The following EDN1 variants were observed in gnomAD, a reference collection of about 807,000 sequenced individuals.
EDN1 encodes endothelin-1.
EDN1 carries 11 observed loss-of-function variants against 21.7 expected under a neutral mutation model. The observed-to-expected ratio is 0.51, with a 90% CI of 0.32 to 0.84. EDN1 has a LOEUF of 0.84. Among genes scored for constraint, EDN1 ranks in the 40% least tolerant of loss-of-function variants. The probability of loss-of-function intolerance (pLI) is 0.03; values close to 1 mark genes in which losing one functional copy is unlikely to be tolerated. For synonymous variants in EDN1, 85 were observed against 90.6 expected (o/e 0.94, Z 0.35); for missense variants, 244 against 262.3 (o/e 0.93, Z 0.48).
At chr6:12,287,094 G>C (rs925347754), upstream of EDN1, among the ~76,000 whole-genome samples, 3 of 151,240 alleles carry the variant, frequency 2.0e-5, no homozygotes, top group Non-Finnish European at 4.4e-5. Flanking sequence ...TCCAGCCTTG[G>C]AGACAGAGTG....
At chr6:12,254,217 G>A in the EDN1 span, among the ~76,000 whole-genome samples, 2 of 152,130 alleles carry the variant, frequency 1.3e-5, no homozygotes, top group Non-Finnish European at 2.9e-5. Context: ...ATCCAGCCAC[G>A]TGAGCATTTG....
At chr6:12,245,371 C>T in the EDN1 span, among the ~76,000 whole-genome samples, 1 of 152,132 alleles carries the variant, frequency 6.6e-6, no homozygotes, top group Non-Finnish European at 1.5e-5. Flanking sequence ...TTTTCTTTTT[C>T]ACCCTGTGGA....
At chr6:12,235,243 G>A in the EDN1 span, among the ~76,000 whole-genome samples, 1 of 152,176 alleles carries the variant, frequency 6.6e-6, no homozygotes, top group African/African-American at 2.4e-5. Flanking sequence ...TGGAAAATGT[G>A]AGGCAGGAAC....
chr6:12,255,715 C>T, the EDN1 span, among the ~76,000 whole-genome samples: 1 of 152,202 alleles, frequency 6.6e-6, no homozygotes, highest in Non-Finnish European at 1.5e-5. Context: ...CACATGTAAT[C>T]ATTAATGATT....
chr6:12,292,351 C>T lies in EDN1; in HGVS notation c.75C>T (p.Gly25=), dbSNP rs1278863137. 3 of 1,614,018 alleles carry T rather than the reference C, an allele frequency of 1.9e-6. No homozygotes were observed. The highest frequency in any genetic ancestry group is 1.7e-5 in the Admixed American group (1 of 60,028). ...CQGAPETAVL[G]AELSAVGENG... is the part of the protein sequence containing the mutation. ...TCTTTCTCTCCCCAGCAGTCTTAGG[C>T]GCTGAGCTCAGCGCGGTGGGTGAGA... The change falls in exon 2 of 5, where the codon GGC becomes GGT. Residue 25 remains glycine (G), a synonymous_variant. Coordinates refer to ENST00000379375, the MANE Select transcript of EDN1 (RefSeq NM_001955.5).
chr6:12,265,878 T>C, the EDN1 span, among the ~76,000 whole-genome samples: 4 of 152,186 alleles, frequency 2.6e-5, no homozygotes, highest in African/African-American at 9.6e-5. Flanking sequence ...AACAAAAGTA[T>C]ACATGAAAAA....
the EDN1 span, among the ~76,000 whole-genome samples, chr6:12,236,493 C>T: frequency 2.0e-5 from 3 of 152,170 alleles, no homozygotes; most frequent in African/African-American, 7.2e-5. Context: ...CTCCTGACCT[C>T]AGGTGATCCA....
chr6:12,265,053 G>C, the EDN1 span, among the ~76,000 whole-genome samples: 95 of 152,312 alleles, frequency 6.2e-4, 3 homozygotes, highest in South Asian at 0.018. Flanking sequence ...CTGATGTTAA[G>C]TGCAAAAGGA....
intron 4 of EDN1, among the ~76,000 whole-genome samples, chr6:12,294,920 CTTTTTTTTTT>C (rs61701314): frequency 7.4e-5 from 8 of 107,624 alleles, no homozygotes; most frequent in Admixed American, 2.2e-4. Context: ...GGTTTATGGT[CTTTTTTTTTT>C]TTTTTTTTTT....
the EDN1 span, among the ~76,000 whole-genome samples, chr6:12,258,319 C>T: frequency 6.6e-6 from 1 of 150,758 alleles, no homozygotes; most frequent in African/African-American, 2.4e-5. Flanking sequence ...TGTGGCGGTA[C>T]ATGCCTATAA....
At chr6:12,251,796 C>G in the EDN1 span, among the ~76,000 whole-genome samples, 14 of 152,186 alleles carry the variant, frequency 9.2e-5, no homozygotes, top group Non-Finnish European at 2.1e-4. Context: ...TAAGGAAGCA[C>G]AAAGGGATGA....
At chr6:12,266,158 G>C in the EDN1 span, among the ~76,000 whole-genome samples, 1 of 152,048 alleles carries the variant, frequency 6.6e-6, no homozygotes, top group Non-Finnish European at 1.5e-5. Flanking sequence ...GCTTGGGTGG[G>C]GAAAAATTAA....
chr6:12,283,899 T>G, the EDN1 span, among the ~76,000 whole-genome samples: 2 of 152,234 alleles, frequency 1.3e-5, no homozygotes, highest in Non-Finnish European at 2.9e-5. Flanking sequence ...TTGAAAATCT[T>G]TCCTGCTACC....
At chr6:12,295,258 T>C (rs1321852072) in intron 4 of EDN1, among the ~76,000 whole-genome samples, 1 of 152,192 alleles carries the variant, frequency 6.6e-6, no homozygotes, top group Non-Finnish European at 1.5e-5. Context: ...AGTCATGAAC[T>C]ACTTCTGAGT....
the EDN1 span, among the ~76,000 whole-genome samples, chr6:12,268,824 T>C: frequency 2.6e-5 from 4 of 152,190 alleles, no homozygotes; most frequent in Non-Finnish European, 5.9e-5. Flanking sequence ...ATATGAATTT[T>C]AGGATCAACT....
chr6:12,277,874 C>A, the EDN1 span, among the ~76,000 whole-genome samples: 1 of 152,210 alleles, frequency 6.6e-6, no homozygotes, highest in Non-Finnish European at 1.5e-5. Context: ...TTGCTGGAAG[C>A]CTTGTGTTCT....
At chr6:12,279,386 G>A in the EDN1 span, among the ~76,000 whole-genome samples, 4 of 152,148 alleles carry the variant, frequency 2.6e-5, no homozygotes, top group Non-Finnish European at 2.9e-5. Context: ...AAAACTCCAC[G>A]CTAGATAGCT....
At chr6:12,279,372 C>T in the EDN1 span, among the ~76,000 whole-genome samples, 1 of 152,106 alleles carries the variant, frequency 6.6e-6, no homozygotes, top group South Asian at 2.1e-4. Flanking sequence ...CTAAGGCTAA[C>T]CAGAAAACTC....
At chr6:12,271,397 T>C in the EDN1 span, among the ~76,000 whole-genome samples, 12 of 152,200 alleles carry the variant, frequency 7.9e-5, no homozygotes, top group Non-Finnish European at 2.9e-5. Flanking sequence ...AAATATTGTA[T>C]AGTTATAATA....
Sources: gnomAD v4.1 joint callset for allele counts (sites outside exome capture counted in the v4.1 genomes callset) on GRCh38, gnomAD v4.1.1 for gene constraint, MANE v1.5 for transcripts, NCBI Gene and HGNC (gene_info 2026-07-23, HGNC 2026-07-21) for gene names.